Variants in RAP1GAP2 observed in about 807,000 individuals in gnomAD.
RAP1GAP2 encodes rap1 GTPase-activating protein 2.
Under a neutral mutation model 95.0 loss-of-function variants are expected in RAP1GAP2, and 27 were observed. The observed-to-expected ratio is 0.28, with a 90% CI of 0.21 to 0.39. The LOEUF is 0.39. Among genes scored for constraint, RAP1GAP2 ranks in the 10% least tolerant of loss-of-function variants. The pLI is 1.00. For missense variants in RAP1GAP2, 771 were observed against 970.0 expected (o/e 0.79, Z 2.72); for synonymous variants, 373 against 380.9 (o/e 0.98, Z 0.24).
At chr17:2,838,005 T>C (rs1422442398) in intron 2 of RAP1GAP2, among the ~76,000 whole-genome samples, 1 of 138,940 alleles carries the variant, frequency 7.2e-6, no homozygotes, top group Non-Finnish European at 1.5e-5. Flanking sequence ...GTTCATGTTC[T>C]TTCTTTTTTC....
chr17:2,772,194 G>A (rs1365765646), upstream of RAP1GAP2, among the ~76,000 whole-genome samples: 2 of 152,042 alleles, frequency 1.3e-5, no homozygotes, highest in Non-Finnish European at 2.9e-5. Flanking sequence ...TTTCACCATG[G>A]TCAGGCTGGT....
intron 2 of RAP1GAP2, among the ~76,000 whole-genome samples, chr17:2,833,946 G>T (rs1597398709): frequency 3.9e-5 from 6 of 152,192 alleles, no homozygotes; most frequent in Admixed American, 3.9e-4. Context: ...CTGATTTCCA[G>T]CCCTCTGAGC....
intron 2 of RAP1GAP2, among the ~76,000 whole-genome samples, chr17:2,880,645 C>T (rs1485988111): frequency 3.3e-5 from 5 of 151,998 alleles, no homozygotes; most frequent in Non-Finnish European, 4.4e-5. Flanking sequence ...CCCCCGCCTC[C>T]CCCATCCCGA....
chr17:2,847,886 T>G (rs2071657835), intron 2 of RAP1GAP2, among the ~76,000 whole-genome samples: 1 of 152,162 alleles, frequency 6.6e-6, no homozygotes. Context: ...CGTCAGAAAT[T>G]TCACACACAG....
chr17:3,018,882 G>T, intron 18 of RAP1GAP2, among the ~76,000 whole-genome samples: 1 of 152,084 alleles, frequency 6.6e-6, no homozygotes, highest in East Asian at 1.9e-4. Context: ...GGCCAACTTG[G>T]TGAAACCCCG....
chr17:2,830,348 A>G (rs2151542505), intron 2 of RAP1GAP2, among the ~76,000 whole-genome samples: 1 of 152,214 alleles, frequency 6.6e-6, no homozygotes, highest in Non-Finnish European at 1.5e-5. Flanking sequence ...CATGAGGCGG[A>G]GGTTGCAGTG....
At chr17:2,935,672 A>G (rs1408359868) in intron 3 of RAP1GAP2, among the ~76,000 whole-genome samples, 2 of 152,148 alleles carry the variant, frequency 1.3e-5, no homozygotes, top group African/African-American at 2.4e-5. Context: ...CACTGTTGCA[A>G]TGTCAAGCAC....
rs947829339 is a variant in RAP1GAP2, at chr17:3,008,587, G to A, written c.1494+442G>A. ...CCACAGTGATTCTTCCTAGCCAGCC[G>A]GCCGAGCATTGGAAGACCTGGCTGG... On this transcript the variant is annotated intron_variant, in intron 17 of 24. Coordinates refer to ENST00000254695, the MANE Select transcript of RAP1GAP2 (RefSeq NM_015085.5). This position sits in a 1 kb window ranked among gnomAD's most constrained non-coding sequence, Gnocchi z 4.2. 1.3e-5 allele frequency among the ~76,000 whole-genome samples: 2 copies of A among 152,152 alleles called. No homozygotes were observed. The highest frequency in any genetic ancestry group is 6.5e-5 in the Admixed American group (1 of 15,274).
intron 2 of RAP1GAP2, among the ~76,000 whole-genome samples, chr17:2,841,675 A>G (rs2071379367): frequency 6.6e-6 from 1 of 152,168 alleles, no homozygotes; most frequent in Non-Finnish European, 1.5e-5. Flanking sequence ...TGCTGAAGGC[A>G]GGAAGATGTT....
chr17:2,779,659 G>C (rs1363300166), intron 1 of RAP1GAP2, among the ~76,000 whole-genome samples: 1 of 152,172 alleles, frequency 6.6e-6, no homozygotes, highest in East Asian at 1.9e-4. Context: ...AGGGCGAGGG[G>C]AGAGGACAGC....
chr17:2,963,612 A>T lies in RAP1GAP2; in HGVS notation c.279+150A>T. On this transcript the variant is annotated intron_variant, in intron 6 of 24. Coordinates refer to ENST00000254695, the MANE Select transcript of RAP1GAP2 (RefSeq NM_015085.5). This position sits in a 1 kb window ranked among gnomAD's most constrained non-coding sequence, Gnocchi z 4.8. ...TTCCTGTCTTTGCCTTTGTAACCTCAGCTTCTCCATGTGTTAAGTTGGGGG... is the reference window on the plus strand; with the variant it reads ...TTCCTGTCTTTGCCTTTGTAACCTCTGCTTCTCCATGTGTTAAGTTGGGGG... The T allele has an allele frequency of 2.6e-6, 3 of 1,133,670 alleles. No individual in the cohort carries two copies. The South Asian group carries it at 4.1e-5, about 15-fold the overall frequency. The allele number at this position is 1,133,670 out of a possible 1,614,324, so 70.2% of individuals were successfully genotyped here.
At position 2,825,656 on chromosome 17, in the gene RAP1GAP2, T is replaced by TAC. The variant is rs2070516277; in HGVS notation, c.80+25106_80+25107insAC. ...GGAGCGTCCCTGTCTCACAGGGATGTTTGAGGATGAAATGAGCTAACATAG... is the reference window on the plus strand; with the variant it reads ...GGAGCGTCCCTGTCTCACAGGGATGTACTTGAGGATGAAATGAGCTAACATAG... On this transcript the variant is annotated intron_variant, in intron 2 of 24. Coordinates refer to ENST00000254695, the MANE Select transcript of RAP1GAP2 (RefSeq NM_015085.5). The surrounding 1 kb of genome is among the most constrained non-coding windows in gnomAD (Gnocchi z 4.1). Among the ~76,000 whole-genome samples, 1 of 151,982 alleles carries TAC rather than the reference T, an allele frequency of 6.6e-6. No homozygotes were observed. Among genetic ancestry groups the TAC allele is most frequent in the Non-Finnish European group, 1.5e-5 (1 of 68,002 alleles).
At chr17:2,968,783 G>A (rs2044723430) in intron 8 of RAP1GAP2, among the ~76,000 whole-genome samples, 1 of 151,942 alleles carries the variant, frequency 6.6e-6, no homozygotes, top group Admixed American at 6.6e-5. Flanking sequence ...TACACAAATT[G>A]ATCTATATTT....
intron 2 of RAP1GAP2, among the ~76,000 whole-genome samples, chr17:2,862,140 G>C (rs577278688): frequency 6.6e-6 from 1 of 152,162 alleles, no homozygotes; most frequent in Non-Finnish European, 1.5e-5. Context: ...AGACGTGAGA[G>C]GGACCAGGCT....
Position 2,820,703 on chromosome 17 carries a change from G to C in RAP1GAP2, c.80+20153G>C, listed in dbSNP as rs558703332. The stretch of plus-strand genomic sequence containing the variant: ...ATTCCCCACGTCCTCACTGATGTTT[G>C]ATTTTCATGTTGATTTGAGTGACAG... On this transcript the variant is annotated intron_variant, in intron 2 of 24. Transcript: ENST00000254695. 4.2e-4 allele frequency among the ~76,000 whole-genome samples: 64 copies of C among 150,868 alleles called. No homozygotes were observed. The Middle Eastern group carries it at 0.014, about 33-fold the overall frequency.
chr17:2,796,260 G>A (rs1396535408), upstream of RAP1GAP2, among the ~76,000 whole-genome samples: 1 of 152,194 alleles, frequency 6.6e-6, no homozygotes, highest in Non-Finnish European at 1.5e-5. This position sits in a 1 kb window ranked among gnomAD's most constrained non-coding sequence, Gnocchi z 4.7. Context: ...AGCCCCTTCC[G>A]GAGCTGTGGG....
upstream of RAP1GAP2, among the ~76,000 whole-genome samples, chr17:2,793,299 A>C (rs2068977334): frequency 6.6e-6 from 1 of 152,052 alleles, no homozygotes; most frequent in Non-Finnish European, 1.5e-5. Flanking sequence ...GAATACAGGC[A>C]TGTGCCACGA....
intron 4 of RAP1GAP2, 39 bp downstream of exon 4, chr17:2,957,833 GC>G: frequency 6.4e-7 from 1 of 1,555,464 alleles, no homozygotes; most frequent in Non-Finnish European, 8.7e-7. Context: ...AAGAAGCCCA[GC>G]CCCAGATGTG....
Position 2,788,996 on chromosome 17 carries a change from G to A in RAP1GAP2, c.-13-11519G>A, listed in dbSNP as rs551485786. Among the ~76,000 whole-genome samples the A allele has an allele frequency of 4.1e-4, 62 of 152,254 alleles. 1 individual carries two copies. In the South Asian group the frequency reaches 6.2e-3, roughly 15 times the overall value. On this transcript the variant is annotated intron_variant, in intron 1 of 24. Coordinates refer to the RAP1GAP2 transcript ENST00000540393. ...TTGACACATAAATTTAACCAGCACA[G>A]AGATATTGCCCAATAGCTACACATT...
Sources: gnomAD v4.1 joint callset for allele counts (sites outside exome capture counted in the v4.1 genomes callset) on GRCh38, gnomAD v4.1.1 for gene constraint, Gnocchi (gnomAD v3.1) non-coding constraint, MANE v1.5 for transcripts, NCBI Gene and HGNC (gene_info 2026-07-23, HGNC 2026-07-21) for gene names.